Variants in SMARCA5 observed in about 807,000 individuals in gnomAD.
The protein encoded by SMARCA5 is SNF2 related chromatin remodeling ATPase 5, also known as SWI/SNF-related matrix-associated actin-dependent regulator of chromatin subfamily A member 5.
SMARCA5 carries 18 observed loss-of-function variants against 140.4 expected under a neutral mutation model. That is an observed-to-expected ratio of 0.13 (90% CI 0.09 to 0.19). The LOEUF is 0.19. SMARCA5 is among the 10% of genes least tolerant of loss of function. The probability of loss-of-function intolerance (pLI) is 1.00; values close to 1 mark genes in which losing one functional copy is unlikely to be tolerated. For missense variants in SMARCA5, 606 were observed against 1,276.8 expected, an observed-to-expected ratio of 0.47 and a Z score of 8.01; for synonymous variants, 449 against 419.6, an observed-to-expected ratio of 1.07 and a Z score of -0.86.
intron 14 of SMARCA5, among the ~76,000 whole-genome samples, chr4:143,542,385 A>C (rs1265287883): frequency 1.3e-5 from 2 of 152,156 alleles, no homozygotes; most frequent in Non-Finnish European, 2.9e-5. Context: ...ACGAGAGTAC[A>C]CAAGCACTTT....
chr4:143,531,807 T>A lies in SMARCA5; in HGVS notation c.1158+1281T>A, dbSNP rs569898906. Among the ~76,000 whole-genome samples, 12 of 152,342 alleles carry A rather than the reference T, an allele frequency of 7.9e-5. No individual in the cohort carries two copies. In the South Asian group the frequency reaches 1.5e-3, roughly 18 times the overall value. ...AATTCTAATCTATTTTTGCTTATCA[T>A]TTTTGCTACACCTAGAATCCTTTTT... On this transcript the variant is annotated intron_variant, in intron 9 of 23. Transcript: ENST00000283131.
At chr4:143,534,426 A>C (rs1175246258) in intron 9 of SMARCA5, among the ~76,000 whole-genome samples, 2 of 152,222 alleles carry the variant, frequency 1.3e-5, no homozygotes, top group Non-Finnish European at 2.9e-5. Context: ...TGTCCCCAAA[A>C]AAGATAAAAA....
chr4:143,531,654 A>G (rs1737187434), intron 9 of SMARCA5, among the ~76,000 whole-genome samples: 1 of 152,210 alleles, frequency 6.6e-6, no homozygotes, highest in Non-Finnish European at 1.5e-5. Context: ...CCCCTGGGGA[A>G]CAAAATTGTG....
intron 13 of SMARCA5, among the ~76,000 whole-genome samples, chr4:143,540,089 A>G (rs1400947832): frequency 1.3e-5 from 2 of 152,194 alleles, no homozygotes; most frequent in Admixed American, 6.5e-5. Context: ...TTAGATAGAA[A>G]AACATTTTGA....
At position 143,556,762 on chromosome 4, in the gene SMARCA5, T is replaced by C. The variant is rs966691941; in HGVS notation, c.*3578T>C. 4 of 152,216 alleles carry C rather than the reference T, an allele frequency of 2.6e-5. No homozygotes were observed. The highest frequency in any genetic ancestry group is 9.6e-5 in the African/African-American group (4 of 41,454). 9.4% of individuals were successfully genotyped at this position (152,216 alleles called of 1,614,324 possible). On this transcript the variant is annotated 3_prime_UTR_variant, in exon 24 of 24. Coordinates refer to ENST00000283131, the MANE Select transcript of SMARCA5 (RefSeq NM_003601.4). The stretch of plus-strand genomic sequence containing the variant: ...CTTGGTGTGGAGCAGTGCTGCAGAA[T>C]TAACTTCGCTGTGTACATCCCAGAA...
intron 14 of SMARCA5, among the ~76,000 whole-genome samples, chr4:143,541,905 T>A (rs1737434785): frequency 6.6e-6 from 1 of 152,098 alleles, no homozygotes. Flanking sequence ...TTACTCAGGC[T>A]GGAGTGCAAT....
chr4:143,539,176 G>A (rs1419609872), intron 13 of SMARCA5, among the ~76,000 whole-genome samples: 2 of 152,170 alleles, frequency 1.3e-5, no homozygotes, highest in Non-Finnish European at 2.9e-5. Context: ...TGGCAGAAGG[G>A]GGAAACGATA....
intron 22 of SMARCA5, 128 bp from the exon 23 acceptor site, chr4:143,549,867 GTT>G: frequency 2.1e-6 from 1 of 483,556 alleles, no homozygotes; most frequent in Non-Finnish European, 3.7e-6. Flanking sequence ...AAAATCAGTT[GTT>G]TTTTTTTTAA....
rs1737692861 is a variant in SMARCA5, at chr4:143,553,766, AT to A, written c.*584del. ...TTATGCTTTCTGTTTTTTTTAGTTGATTCTGAAATGAATATGCCCTATTCTT... is the reference window on the plus strand; with the variant it reads ...TTATGCTTTCTGTTTTTTTTAGTTGATCTGAAATGAATATGCCCTATTCTT... On this transcript the variant is annotated 3_prime_UTR_variant, in exon 24 of 24. Transcript: ENST00000283131. 6.6e-6 allele frequency: 1 copy of A among 152,072 alleles called. No homozygotes were observed. The highest frequency in any genetic ancestry group is 2.4e-5 in the African/African-American group (1 of 41,404). 9.4% of individuals were successfully genotyped at this position (152,072 alleles called of 1,614,324 possible).
chr4:143,524,356 C>T lies in SMARCA5; in HGVS notation c.420-11C>T. 6.4e-7 allele frequency: 1 copy of T among 1,573,614 alleles called. No individual in the cohort carries two copies. Among genetic ancestry groups the T allele is most frequent in the Non-Finnish European group, 8.7e-7 (1 of 1,155,354 alleles). ...AACTCAAATCAGGTTATTTTATTTT[C>T]ATCTTAACAGTTACCGACACCGTAG... On this transcript the variant is annotated splice_polypyrimidine_tract_variant and intron_variant, in intron 3 of 23. Transcript: ENST00000283131.
chr4:143,543,757 G>A (rs1308543541), intron 15 of SMARCA5, 96 bp from the exon 16 acceptor site: 3 of 1,514,026 alleles, frequency 2.0e-6, no homozygotes, highest in East Asian at 2.3e-5. Flanking sequence ...TTTCCTTAAA[G>A]AGAAGCTTTT....
At chr4:143,514,172 G>A in intron 1 of SMARCA5, 71 bp downstream of exon 1, 1 of 1,374,396 alleles carries the variant, frequency 7.3e-7, no homozygotes, top group South Asian at 1.5e-5. Flanking sequence ...CCGGATCGTG[G>A]CGATCGGACG....
chr4:143,536,320 T>C, intron 10 of SMARCA5, 132 bp from the exon 11 acceptor site: 1 of 647,922 alleles, frequency 1.5e-6, no homozygotes, highest in South Asian at 1.9e-5. Context: ...TTCCTAACCA[T>C]ACCTAGAAGT....
rs1420684553 is a variant in SMARCA5, at chr4:143,538,812, A to C, written c.1644A>C (p.Pro548=). ...ACTCCATCAATGCATACAATGAACC[A>C]AACAGCACAAAGTTTGTTTTCATGT... ...RQDSINAYNE[P]NSTKFVFMLS... Residue 548 remains proline, a synonymous_variant, in exon 13 of 24, where the codon CCA becomes CCC. Coordinates refer to ENST00000283131, the MANE Select transcript of SMARCA5 (RefSeq NM_003601.4). 6.2e-7 allele frequency: 1 copy of C among 1,614,130 alleles called. No homozygotes were observed. Among genetic ancestry groups the C allele is most frequent in the African/African-American group, 1.3e-5 (1 of 75,042 alleles).
chr4:143,545,677 G>T (rs1737510710), intron 18 of SMARCA5, 94 bp downstream of exon 18: 3 of 846,586 alleles, frequency 3.5e-6, no homozygotes, highest in African/African-American at 3.4e-5. Context: ...TTTGGACCTA[G>T]TGTGAAACAA....
chr4:143,550,041 A>G lies in SMARCA5; in HGVS notation c.3030A>G (p.Arg1010=). ...RCNTLITLIE[R]ENMELEEKEK... is the part of the protein sequence containing the mutation. The stretch of plus-strand genomic sequence containing the variant: ...ATACCTTAATTACTTTGATTGAAAG[A>G]GAAAACATGGAACTAGAAGAAAAGG... Residue 1010 remains arginine (R), a synonymous_variant, in exon 23 of 24, where the codon AGA becomes AGG. Coordinates refer to ENST00000283131, the MANE Select transcript of SMARCA5 (RefSeq NM_003601.4). The G allele has an allele frequency of 6.3e-7, 1 of 1,596,194 alleles. No individual in the cohort carries two copies. Among genetic ancestry groups the G allele is most frequent in the Non-Finnish European group, 8.5e-7 (1 of 1,173,678 alleles).
intron 23 of SMARCA5, among the ~76,000 whole-genome samples, chr4:143,550,646 T>G (rs1578807060): frequency 6.6e-6 from 1 of 152,114 alleles, no homozygotes. Context: ...ATGAGTTTAA[T>G]TGTAGTTTTT....
intron 2 of SMARCA5, among the ~76,000 whole-genome samples, chr4:143,520,884 GA>G (rs1423507367): frequency 1.3e-5 from 2 of 152,042 alleles, no homozygotes; most frequent in Admixed American, 6.5e-5. Flanking sequence ...CGAAAGGAAG[GA>G]ATAGTATCAA....
At chr4:143,514,188 C>T (rs1736772100) in intron 1 of SMARCA5, 87 bp downstream of exon 1, 2 of 1,243,576 alleles carry the variant, frequency 1.6e-6, no homozygotes, top group Non-Finnish European at 2.2e-6. Flanking sequence ...GGACGCAGAG[C>T]CGGGTTTCTC....
Sources: allele counts gnomAD v4.1 joint callset (sites outside exome capture counted in the v4.1 genomes callset), GRCh38; gene constraint gnomAD v4.1.1; transcripts MANE v1.5; gene names NCBI Gene and HGNC (gene_info 2026-07-23, HGNC 2026-07-21).